The following DCC variants were observed in gnomAD, a reference collection of about 807,000 sequenced individuals.
DCC encodes DCC netrin 1 receptor.
DCC carries 58 observed loss-of-function variants against 172.5 expected under a neutral mutation model. The observed-to-expected ratio is 0.34, with a 90% CI of 0.27 to 0.42. DCC has a LOEUF of 0.42. Among genes scored for constraint, DCC ranks in the 10% least tolerant of loss-of-function variants. DCC has a pLI of 1.00. For missense variants in DCC, 1,740 were observed against 1,791.0 expected (o/e 0.97, Z 0.51); for synonymous variants, 709 against 644.5 (o/e 1.10, Z -1.52).
At chr18:53,079,220 G>A (rs550089500) in intron 7 of DCC, among the ~76,000 whole-genome samples, 28 of 152,138 alleles carry the variant, frequency 1.8e-4, no homozygotes, top group African/African-American at 6.7e-4. Flanking sequence ...AGAATTGGTA[G>A]CCTATACATA....
chr18:52,834,564 C>T (rs537611373), intron 2 of DCC, among the ~76,000 whole-genome samples: 2 of 152,262 alleles, frequency 1.3e-5, no homozygotes, highest in Non-Finnish European at 2.9e-5. Flanking sequence ...TGTTACTGAA[C>T]ATCTTAATTT....
At chr18:53,363,215 G>A (rs2057966805) in intron 15 of DCC, among the ~76,000 whole-genome samples, 2 of 152,108 alleles carry the variant, frequency 1.3e-5, no homozygotes, top group Admixed American at 1.3e-4. Context: ...TCTCTTGAAA[G>A]GCAAATACAG....
intron 9 of DCC, among the ~76,000 whole-genome samples, chr18:53,193,814 A>G (rs574966124): frequency 3.9e-5 from 6 of 152,226 alleles, no homozygotes; most frequent in Non-Finnish European, 5.9e-5. Context: ...TAGATAAACA[A>G]TAAATTGATT....
intron 1 of DCC, among the ~76,000 whole-genome samples, chr18:52,610,173 AAAAAAATATATATATATATATATAT>A (rs2034236118): frequency 4.4e-5 from 1 of 22,626 alleles, no homozygotes; most frequent in African/African-American, 1.9e-4. Flanking sequence ...AAAAAAAAAA[AAAAAAATATATATATATATATATAT>A]ATATATATAT....
intron 12 of DCC, among the ~76,000 whole-genome samples, chr18:53,221,085 T>C (rs1463928339): frequency 2.0e-5 from 3 of 152,156 alleles, no homozygotes; most frequent in East Asian, 1.9e-4. Flanking sequence ...ATCTCTTCCA[T>C]CCTGTCTTTT....
chr18:53,329,051 T>C (rs2057501165), intron 14 of DCC, among the ~76,000 whole-genome samples: 1 of 152,186 alleles, frequency 6.6e-6, no homozygotes. Context: ...AATTAAGGTA[T>C]AATTTAATGG....
At chr18:52,610,165 AAAAAAAAAAAAAAATATATAT>A (rs2034228868) in intron 1 of DCC, among the ~76,000 whole-genome samples, 3 of 22,914 alleles carry the variant, frequency 1.3e-4, no homozygotes, top group African/African-American at 2.1e-4. Context: ...AAAAAAAAAA[AAAAAAAAAAAAAAATATATAT>A]ATATATATAT....
chr18:53,036,856 C>A (rs2042100586), intron 5 of DCC, among the ~76,000 whole-genome samples: 1 of 151,976 alleles, frequency 6.6e-6, no homozygotes, highest in African/African-American at 2.4e-5. Context: ...GAGATGTGTT[C>A]TTTCAGGCAT....
At chr18:53,112,825 T>A (rs2043352660) in intron 7 of DCC, among the ~76,000 whole-genome samples, 1 of 151,562 alleles carries the variant, frequency 6.6e-6, no homozygotes, top group Non-Finnish European at 1.5e-5. Flanking sequence ...AAGTACTCTG[T>A]ACTACCTTGA....
chr18:52,400,811 G>A (rs565546290), intron 1 of DCC, among the ~76,000 whole-genome samples: 1 of 152,164 alleles, frequency 6.6e-6, no homozygotes, highest in Admixed American at 6.5e-5. Flanking sequence ...GATGAAGCTG[G>A]AAACCATCAT....
At chr18:53,394,502 T>C (rs1462674583) in intron 17 of DCC, among the ~76,000 whole-genome samples, 6 of 152,270 alleles carry the variant, frequency 3.9e-5, no homozygotes, top group South Asian at 2.1e-4. Flanking sequence ...TTTCTATATG[T>C]TTTTCTATTA....
rs1321519629 is a variant in DCC, at chr18:52,354,467, CAA to C, written c.91+13591_91+13592del. On this transcript the variant is annotated intron_variant, in intron 1 of 28. Transcript: ENST00000442544. ...GAGGCCTTACCCTCTAATCTTGTGG[CAA>C]AGTCTAACTTGACATCCAAAACTGA... Among the ~76,000 whole-genome samples the C allele has an allele frequency of 3.3e-5, 5 of 152,256 alleles. No homozygotes were observed. The Middle Eastern group carries it at 0.014, about 414-fold the overall frequency.
chr18:52,907,710 C>A (rs141280955), intron 3 of DCC, among the ~76,000 whole-genome samples: 64 of 152,320 alleles, frequency 4.2e-4, no homozygotes, highest in African/African-American at 1.4e-3. Flanking sequence ...GCGTGAGCCA[C>A]TGTGCCCAGC....
At chr18:52,786,752 C>T (rs1026719258) in intron 2 of DCC, among the ~76,000 whole-genome samples, 1 of 152,048 alleles carries the variant, frequency 6.6e-6, no homozygotes, top group African/African-American at 2.4e-5. Context: ...ACATTCTTTA[C>T]TGACCACAGG....
At chr18:53,107,920 G>A (rs8098518) in intron 7 of DCC, among the ~76,000 whole-genome samples, 23,861 of 151,180 alleles carry the variant, frequency 0.16, 2,369 homozygotes, top group African/African-American at 0.28. Context: ...TTTTTTCCTT[G>A]TTTGTTTATA....
intron 2 of DCC, among the ~76,000 whole-genome samples, chr18:52,807,645 T>C (rs2038113410): frequency 6.6e-6 from 1 of 151,344 alleles, no homozygotes; most frequent in Non-Finnish European, 1.5e-5. Context: ...CAGTCTGAAA[T>C]AAATATCAGT....
intron 1 of DCC, among the ~76,000 whole-genome samples, chr18:52,746,500 T>G (rs1383920933): frequency 6.6e-6 from 1 of 152,174 alleles, no homozygotes; most frequent in Non-Finnish European, 1.5e-5. Context: ...AGAGAATTAT[T>G]TTTTACACTT....
intron 13 of DCC, among the ~76,000 whole-genome samples, chr18:53,312,153 C>CAAAAAAAAAAAAA (rs895203731): frequency 1.1e-4 from 3 of 26,732 alleles, no homozygotes; most frequent in Admixed American, 4.9e-4. Flanking sequence ...GCTAAAAATA[C>CAAAAAAAAAAAAA]AAAAAAAAAA....
intron 5 of DCC, among the ~76,000 whole-genome samples, chr18:53,010,128 T>A (rs891694287): frequency 2.0e-5 from 3 of 151,968 alleles, no homozygotes; most frequent in Non-Finnish European, 2.9e-5. Flanking sequence ...ATCTAATTCA[T>A]CCCCAAGCTT....
Sources: gnomAD v4.1 joint callset for allele counts (sites outside exome capture counted in the v4.1 genomes callset) on GRCh38, gnomAD v4.1.1 for gene constraint, MANE v1.5 for transcripts, NCBI Gene and HGNC (gene_info 2026-07-23, HGNC 2026-07-21) for gene names.